The following GSKIP variants were observed in gnomAD, a reference collection of about 807,000 sequenced individuals.
GSKIP encodes GSK3B interacting protein.
In GSKIP, 5 loss-of-function variants were observed where a neutral mutation model predicts 11.9. That is an observed-to-expected ratio of 0.42 (90% CI 0.22 to 0.89). The LOEUF is 0.89. GSKIP is among the 40% of genes least tolerant of loss of function. The probability of loss-of-function intolerance (pLI) is 0.29; values close to 1 mark genes in which losing one functional copy is unlikely to be tolerated. For missense variants in GSKIP, 150 were observed against 166.6 expected (o/e 0.90, Z 0.55); for synonymous variants, 70 against 62.9 (o/e 1.11, Z -0.54).
At chr14:96,377,541 ATATT>A (rs1009444259) in intron 1 of GSKIP, among the ~76,000 whole-genome samples, 1 of 152,216 alleles carries the variant, frequency 6.6e-6, no homozygotes, top group Admixed American at 6.5e-5. Flanking sequence ...GTTTAAATGT[ATATT>A]TATATGTCTT....
At chr14:96,373,404 C>T (rs1889110143) in intron 1 of GSKIP, among the ~76,000 whole-genome samples, 1 of 151,872 alleles carries the variant, frequency 6.6e-6, no homozygotes, top group Non-Finnish European at 1.5e-5. Flanking sequence ...GTTTACACTC[C>T]CACTCAGTGT....
In GSKIP at chr14:96,382,400, G is replaced by C; in HGVS notation, c.153G>C (p.Met51Ile). The change falls in exon 3 of 4, where the codon ATG (methionine) becomes ATC (isoleucine). Residue 51 changes from methionine (M) to isoleucine (I), a missense_variant. Met to Ile is a conservative substitution (Grantham distance 10). Transcript: ENST00000555181. ...ATGTTCTCTTTGCTGTTAACAACAT[G>C]TTTGTCTCGAAAAGCCTGCGGTGTG... ...VNDVLFAVNN[M>I]FVSKSLRCAD... 6.2e-7 allele frequency: 1 copy of C among 1,613,904 alleles called. No individual in the cohort carries two copies. The highest frequency in any genetic ancestry group is 8.5e-7 in the Non-Finnish European group (1 of 1,179,870).
rs181997413 is a variant in GSKIP, at chr14:96,369,582, A to G, written c.-103+6014A>G. On this transcript the variant is annotated intron_variant, in intron 1 of 3. Coordinates refer to ENST00000555181, the MANE Select transcript of GSKIP (RefSeq NM_016472.5). The stretch of plus-strand genomic sequence containing the variant: ...CCTGCATCCTGGTTGCTCCAGCTCC[A>G]GTTCTGTTTCAAAGGGCTCCAGGTA... Among the ~76,000 whole-genome samples, 19 of 152,318 alleles carry G rather than the reference A, an allele frequency of 1.2e-4. 1 individual carries two copies. The highest frequency in any genetic ancestry group is 5.9e-4 in the Admixed American group (9 of 15,302).
Position 96,382,489 on chromosome 14 carries a change from C to G in GSKIP, c.242C>G (p.Thr81Ser), listed in dbSNP as rs750181117. 40 of 1,611,074 alleles carry G rather than the reference C, an allele frequency of 2.5e-5. No homozygotes were observed. In the East Asian group the frequency reaches 6.9e-4, roughly 28 times the overall value. ...AGAAACAGATATTGCCTAGAACTCACTGAAGCAGGGCTCAAGGTAACTCAC... is the reference window on the plus strand; with the variant it reads ...AGAAACAGATATTGCCTAGAACTCAGTGAAGCAGGGCTCAAGGTAACTCAC... Reference protein sequence around the residue: ...KERNRYCLELTEAGLKVVGYA... With the variant: ...KERNRYCLELSEAGLKVVGYA... The change falls in exon 3 of 4, where the codon ACT becomes AGT. Residue 81 changes from threonine to serine, a missense_variant. Transcript: ENST00000555181.
chr14:96,367,386 T>C (rs1332995746), intron 1 of GSKIP, among the ~76,000 whole-genome samples: 1 of 152,198 alleles, frequency 6.6e-6, no homozygotes, highest in African/African-American at 2.4e-5. Flanking sequence ...CTTGTTCATA[T>C]TGAGAGGATT....
rs1889475168 is a variant in GSKIP at position 96,385,788 on chromosome 14, T to C, written c.*104T>C. On this transcript the variant is annotated 3_prime_UTR_variant, in exon 4 of 4. Transcript: ENST00000555181. ...AGAAAATGCATCTTTGGTTTTGTGT[T>C]TTTATCACTTGCTTCCAACTTAGGC... 1.2e-6 allele frequency: 1 copy of C among 852,002 alleles called. No homozygotes were observed. Among genetic ancestry groups the C allele is most frequent in the South Asian group, 1.9e-5 (1 of 53,746 alleles). 52.8% of individuals were successfully genotyped at this position (852,002 alleles called of 1,614,324 possible).
intron 3 of GSKIP, among the ~76,000 whole-genome samples, chr14:96,383,170 G>T (rs752951545): frequency 3.3e-5 from 5 of 152,134 alleles, no homozygotes; most frequent in African/African-American, 4.8e-5. Context: ...AGCACTTAGG[G>T]AGGCCAAGCT....
chr14:96,378,170 A>G (rs1013829703), intron 1 of GSKIP, among the ~76,000 whole-genome samples: 2 of 152,112 alleles, frequency 1.3e-5, no homozygotes, highest in Non-Finnish European at 2.9e-5. Flanking sequence ...AGCCTGGGTA[A>G]ACATAGGAAG....
rs144701926 is a variant in GSKIP, at chr14:96,386,594, T to C, written c.*910T>C. 1.6e-4 allele frequency: 25 copies of C among 152,778 alleles called. No homozygotes were observed. The East Asian group carries it at 4.4e-3, about 27-fold the overall frequency. 9.5% of individuals were successfully genotyped at this position (152,778 alleles called of 1,614,324 possible). On this transcript the variant is annotated 3_prime_UTR_variant, in exon 4 of 4. Transcript: ENST00000555181. ...CGTTTACTTTCTATGATGTAGTGCT[T>C]TGGTATTCCTACAGCACCCCACCTT...
At chr14:96,368,783 A>C (rs1452487396) in intron 1 of GSKIP, among the ~76,000 whole-genome samples, 2 of 150,656 alleles carry the variant, frequency 1.3e-5, no homozygotes, top group Non-Finnish European at 2.9e-5. Flanking sequence ...TCACCATGTG[A>C]TCTGCATATC....
At chr14:96,382,808 A>G (rs1471634424) in intron 3 of GSKIP, among the ~76,000 whole-genome samples, 1 of 152,174 alleles carries the variant, frequency 6.6e-6, no homozygotes, top group South Asian at 2.1e-4. Flanking sequence ...AGAATTATAC[A>G]TACATTCTTT....
intron 3 of GSKIP, among the ~76,000 whole-genome samples, chr14:96,383,321 G>T (rs981059772): frequency 6.6e-6 from 1 of 151,736 alleles, no homozygotes; most frequent in African/African-American, 2.4e-5. Flanking sequence ...CTTAGGAGGG[G>T]GCCTATGAGT....
intron 2 of GSKIP, 61 bp from the exon 3 acceptor site, chr14:96,382,186 G>T: frequency 8.6e-7 from 1 of 1,164,326 alleles, no homozygotes. Context: ...TTAATCAAAT[G>T]TAGTAGTTTG....
At chr14:96,363,652 C>T (rs1888765672) in intron 1 of GSKIP, 84 bp downstream of exon 1, 1 of 152,186 alleles carries the variant, frequency 6.6e-6, no homozygotes, top group South Asian at 2.1e-4. Context: ...GCCGTCAGGC[C>T]TTCCGGATGG....
chr14:96,379,877 T>C (rs185798582), intron 2 of GSKIP, 89 bp downstream of exon 2: 2 of 152,338 alleles, frequency 1.3e-5, no homozygotes, highest in Admixed American at 6.5e-5. Context: ...TATGTAATGA[T>C]CATTATTTCT....
chr14:96,372,149 C>T (rs896977068), intron 1 of GSKIP, among the ~76,000 whole-genome samples: 4 of 152,150 alleles, frequency 2.6e-5, no homozygotes, highest in Non-Finnish European at 5.9e-5. Context: ...TATGTATTTT[C>T]CAAGAATATC....
At chr14:96,384,035 A>G (rs4145001) in intron 3 of GSKIP, among the ~76,000 whole-genome samples, 50,293 of 151,970 alleles carry the variant, frequency 0.33, 9,530 homozygotes, top group Non-Finnish European at 0.43. Flanking sequence ...TCTGCTTCTT[A>G]ATCTATAACT....
chr14:96,382,031 G>A (rs1281757094), intron 2 of GSKIP, among the ~76,000 whole-genome samples: 3 of 152,120 alleles, frequency 2.0e-5, no homozygotes, highest in Non-Finnish European at 2.9e-5. Flanking sequence ...GGTAAGTGGA[G>A]AAGGGAGATT....
intron 1 of GSKIP, among the ~76,000 whole-genome samples, chr14:96,373,390 G>A (rs1019525634): frequency 1.3e-5 from 2 of 151,958 alleles, no homozygotes; most frequent in Non-Finnish European, 2.9e-5. Context: ...AAAGTGTTGT[G>A]CCAGTTTACA....
Sources: gnomAD v4.1 joint callset for allele counts (sites outside exome capture counted in the v4.1 genomes callset) on GRCh38, gnomAD v4.1.1 for gene constraint, MANE v1.5 for transcripts, NCBI Gene and HGNC (gene_info 2026-07-23, HGNC 2026-07-21) for gene names.